Variants in MBD5 observed in about 807,000 individuals in gnomAD.
The protein encoded by MBD5 is methyl-CpG-binding domain protein 5.
Under a neutral mutation model 117.3 loss-of-function variants are expected in MBD5, and 13 were observed. That is an observed-to-expected ratio of 0.11 (90% CI 0.07 to 0.18). The LOEUF is 0.18. Ranked by LOEUF, MBD5 falls within the 10% of genes least tolerant of loss-of-function variation. The pLI is 1.00. For synonymous variants in MBD5, 727 were observed against 766.4 expected, an observed-to-expected ratio of 0.95 and a Z score of 0.85; for missense variants, 1,879 against 2,093.8, an observed-to-expected ratio of 0.90 and a Z score of 2.00.
At chr2:148,090,557 G>T (rs1258040382) in intron 1 of MBD5, among the ~76,000 whole-genome samples, 1 of 151,986 alleles carries the variant, frequency 6.6e-6, no homozygotes, top group Non-Finnish European at 1.5e-5. Context: ...GTAAATAAAT[G>T]TGATACGTCA....
chr2:148,439,914 A>G (rs1044875536), intron 4 of MBD5, among the ~76,000 whole-genome samples: 7 of 151,790 alleles, frequency 4.6e-5, no homozygotes, highest in African/African-American at 1.7e-4. Flanking sequence ...AATTTGTAAA[A>G]ATTTTTTGTA....
At chr2:148,140,926 C>A (rs968990482) in intron 1 of MBD5, among the ~76,000 whole-genome samples, 3 of 151,954 alleles carry the variant, frequency 2.0e-5, no homozygotes, top group Non-Finnish European at 4.4e-5. Context: ...CCACCTCGCC[C>A]AGCTAATTTT....
chr2:148,453,429 A>C (rs1706787175), intron 4 of MBD5, among the ~76,000 whole-genome samples: 1 of 152,096 alleles, frequency 6.6e-6, no homozygotes, highest in South Asian at 2.1e-4. Flanking sequence ...ACACACACAC[A>C]CATGCACACA....
chr2:148,186,606 T>C (rs1337532364), intron 2 of MBD5, among the ~76,000 whole-genome samples: 3 of 152,180 alleles, frequency 2.0e-5, no homozygotes, highest in Non-Finnish European at 4.4e-5. Context: ...TAGAGACTTT[T>C]AGAGATTTTT....
chr2:148,089,415 A>C (rs1407698689), intron 1 of MBD5, among the ~76,000 whole-genome samples: 1 of 152,126 alleles, frequency 6.6e-6, no homozygotes, highest in East Asian at 1.9e-4. Flanking sequence ...CACCACATGA[A>C]ACATTCTCCG....
At chr2:148,156,162 C>T (rs80282433) in intron 1 of MBD5, among the ~76,000 whole-genome samples, 1,927 of 152,290 alleles carry the variant, frequency 0.013, 44 homozygotes, top group African/African-American at 0.043. Context: ...TTGACCAAAA[C>T]GATAATTTTA....
At chr2:148,299,022 T>G (rs925045978) in intron 3 of MBD5, among the ~76,000 whole-genome samples, 2 of 152,150 alleles carry the variant, frequency 1.3e-5, no homozygotes, top group Non-Finnish European at 2.9e-5. Flanking sequence ...GGTCCCCCAG[T>G]TAACCCAGGA....
At chr2:148,465,724 A>G (rs1268650481) in intron 7 of MBD5, among the ~76,000 whole-genome samples, 2 of 152,170 alleles carry the variant, frequency 1.3e-5, no homozygotes, top group Non-Finnish European at 2.9e-5. Context: ...CAAATTACTG[A>G]TTGCTTTGGA....
intron 3 of MBD5, among the ~76,000 whole-genome samples, chr2:148,317,782 C>T (rs1448162865): frequency 2.6e-5 from 4 of 152,190 alleles, no homozygotes; most frequent in Non-Finnish European, 4.4e-5. Flanking sequence ...CTGCAAAAGA[C>T]ATGATTTCAT....
rs754953821 is a variant in MBD5, at chr2:148,489,504, A to T, written c.3872A>T (p.Glu1291Val). 18 of 1,614,200 alleles carry T rather than the reference A, an allele frequency of 1.1e-5. No homozygotes were observed. In the South Asian group the frequency reaches 2.0e-4, roughly 18 times the overall value. ...TLPPFQDTPC[E>V]LQPRIDPSLG... The stretch of plus-strand genomic sequence containing the variant: ...CCACCTTTTCAAGATACACCTTGTG[A>T]GTTGCAACCGAGGATTGACCCATCT... The change falls in exon 11 of 14, where the codon GAG (glutamate) becomes GTG (valine). Residue 1291 changes from glutamate (E) to valine (V), a missense_variant. By Grantham distance (121) the Glu-to-Val change is moderately radical. Transcript: ENST00000642680.
At chr2:148,361,571 C>T (rs1703533332) in intron 4 of MBD5, among the ~76,000 whole-genome samples, 1 of 152,078 alleles carries the variant, frequency 6.6e-6, no homozygotes, top group African/African-American at 2.4e-5. Context: ...CAACATTGCC[C>T]AGGATCTAGG....
chr2:148,359,656 T>G (rs1055198104), intron 4 of MBD5, among the ~76,000 whole-genome samples: 7 of 152,146 alleles, frequency 4.6e-5, no homozygotes, highest in African/African-American at 1.4e-4. Flanking sequence ...AAAAATACAT[T>G]GTTTATAGCC....
At chr2:148,400,520 G>A (rs1704886979) in intron 4 of MBD5, among the ~76,000 whole-genome samples, 1 of 152,176 alleles carries the variant, frequency 6.6e-6, no homozygotes, top group African/African-American at 2.4e-5. Context: ...GATTTTTCAA[G>A]AAAGATTCTT....
rs182483316 is a variant in MBD5, at chr2:148,311,905, G to A, written c.-679-30309G>A. On this transcript the variant is annotated intron_variant, in intron 3 of 13. Coordinates refer to ENST00000642680, the MANE Select transcript of MBD5 (RefSeq NM_001378120.1). ...AAGTATTTTGTTTCTCCTTCGCTTT[G>A]GAAGCTTAGTTTGGTTGCATATGAA... 1.2e-4 allele frequency among the ~76,000 whole-genome samples: 19 copies of A among 152,168 alleles called. No homozygotes were observed. In the East Asian group the frequency reaches 3.5e-3, roughly 28 times the overall value.
At chr2:148,108,671 T>G (rs1035548042) in intron 1 of MBD5, among the ~76,000 whole-genome samples, 1 of 152,226 alleles carries the variant, frequency 6.6e-6, no homozygotes, top group African/African-American at 2.4e-5. Flanking sequence ...CAGCATTTCT[T>G]TTTTTGCTAG....
chr2:148,027,277 T>G lies in MBD5; in HGVS notation c.-925+5593T>G, dbSNP rs561798463. 7 of 152,286 alleles carry G rather than the reference T, an allele frequency of 4.6e-5. No individual in the cohort carries two copies. The South Asian group carries it at 1.4e-3, about 32-fold the overall frequency. 9.4% of individuals were successfully genotyped at this position (152,286 alleles called of 1,614,324 possible). On this transcript the variant is annotated intron_variant, in intron 1 of 13. Transcript: ENST00000642680. ...CAGAAATATTTTGGTATAAGAATGA[T>G]CAACTTGTTGGGTTCTCTAGGTGCC...
chr2:148,490,519 G>A lies in MBD5; in HGVS notation c.4887G>A (p.Leu1629=), dbSNP rs779662045. 4.3e-5 allele frequency: 69 copies of A among 1,614,064 alleles called. No homozygotes were observed. The highest frequency in any genetic ancestry group is 5.4e-5 in the Non-Finnish European group (64 of 1,180,038). ...TGGTCTGGGGCCAAATCAAAGGACT[G>A]ACTTCCTGGCCTGGAAAATTAGTAA... The part of the protein sequence containing the change: ...GDLVWGQIKG[L]TSWPGKLVRE... Residue 1629 remains leucine, a synonymous_variant, in exon 11 of 14, where the codon CTG becomes CTA. Coordinates refer to ENST00000642680, the MANE Select transcript of MBD5 (RefSeq NM_001378120.1).
intron 1 of MBD5, among the ~76,000 whole-genome samples, chr2:148,043,289 AAAT>A (rs1372271559): frequency 2.0e-5 from 3 of 150,848 alleles, no homozygotes; most frequent in Non-Finnish European, 4.4e-5. Context: ...ATAAAAAAAT[AAAT>A]AAATAAATAA....
At chr2:148,459,374 C>A (rs965187235) in intron 5 of MBD5, among the ~76,000 whole-genome samples, 7 of 152,100 alleles carry the variant, frequency 4.6e-5, no homozygotes, top group Admixed American at 2.0e-4. Flanking sequence ...GTGAAAAAGT[C>A]ATGGAGAAGG....
Sources: gnomAD v4.1 joint callset for allele counts (sites outside exome capture counted in the v4.1 genomes callset) on GRCh38, gnomAD v4.1.1 for gene constraint, MANE v1.5 for transcripts, NCBI Gene and HGNC (gene_info 2026-07-23, HGNC 2026-07-21) for gene names.